Variants in ROBO1 observed in about 807,000 individuals in gnomAD.
The protein encoded by ROBO1 is roundabout homolog 1.
Under a neutral mutation model 195.9 loss-of-function variants are expected in ROBO1, and 149 were observed. That is an observed-to-expected ratio of 0.76 (90% CI 0.67 to 0.87). The LOEUF (loss-of-function observed/expected upper bound fraction) is 0.87, where lower values mean the gene tolerates loss of function less well. Among genes scored for constraint, ROBO1 ranks in the 40% least tolerant of loss-of-function variants. The pLI is 0.00. For missense variants in ROBO1, 1,933 were observed against 2,068.3 expected (o/e 0.93, Z 1.27); for synonymous variants, 816 against 733.2 (o/e 1.11, Z -1.82).
chr3:78,713,944 T>C (rs1406074954), intron 8 of ROBO1, among the ~76,000 whole-genome samples: 2 of 152,234 alleles, frequency 1.3e-5, no homozygotes, highest in Non-Finnish European at 2.9e-5. Context: ...TGAAGAGTAA[T>C]AGAATCTTCT....
At chr3:79,300,193 C>A in intron 2 of ROBO1, among the ~76,000 whole-genome samples, 1 of 152,176 alleles carries the variant, frequency 6.6e-6, no homozygotes, top group Non-Finnish European at 1.5e-5. Context: ...CGAGCCGGCT[C>A]CCTCAGCTAG....
intron 1 of ROBO1, among the ~76,000 whole-genome samples, chr3:79,750,049 G>GCTTT (rs1216047921): frequency 6.6e-6 from 1 of 152,226 alleles, no homozygotes; most frequent in Non-Finnish European, 1.5e-5. Flanking sequence ...GAGGGAGGCT[G>GCTTT]TACCCTGCAA....
chr3:79,204,262 A>C (rs911701690), intron 2 of ROBO1, among the ~76,000 whole-genome samples: 1 of 152,130 alleles, frequency 6.6e-6, no homozygotes, highest in Non-Finnish European at 1.5e-5. Context: ...ATATCTTATA[A>C]GTTATTGTTA....
chr3:79,320,568 G>A (rs1412542684), intron 2 of ROBO1, among the ~76,000 whole-genome samples: 2 of 152,056 alleles, frequency 1.3e-5, no homozygotes, highest in African/African-American at 4.8e-5. Context: ...GGGCTCAAAC[G>A]ACAGTCTCAC....
At chr3:78,947,597 C>T (rs989310736) in intron 3 of ROBO1, among the ~76,000 whole-genome samples, 4 of 152,092 alleles carry the variant, frequency 2.6e-5, no homozygotes, top group African/African-American at 4.8e-5. Flanking sequence ...GACACCCTAA[C>T]GTCACAATTA....
intron 1 of ROBO1, among the ~76,000 whole-genome samples, chr3:79,625,423 G>GAAAAAAAAAAAAAAAAAAAAAAAAAAAAA: frequency 3.6e-4 from 5 of 13,876 alleles, no homozygotes; most frequent in Non-Finnish European, 5.2e-4. Context: ...TGTTTTTTTT[G>GAAAAAAAAAAAAAAAAAAAAAAAAAAAAA]AAAAAAAAAA....
At chr3:78,878,583 CAAA>C (rs35108863) in intron 4 of ROBO1, among the ~76,000 whole-genome samples, 1 of 46,346 alleles carries the variant, frequency 2.2e-5, no homozygotes, top group Non-Finnish European at 4.2e-5. Flanking sequence ...AACCCCATCT[CAAA>C]AAAAAAAAAA....
intron 3 of ROBO1, among the ~76,000 whole-genome samples, chr3:79,012,279 A>G (rs1035729612): frequency 1.3e-5 from 2 of 152,216 alleles, no homozygotes; most frequent in Non-Finnish European, 2.9e-5. Context: ...CTTGACACAA[A>G]AAGACTATAT....
At position 79,273,501 on chromosome 3, in the gene ROBO1, A is replaced by C. The variant is rs2030756617; in HGVS notation, c.89-147962T>G. 2.0e-5 allele frequency among the ~76,000 whole-genome samples: 3 copies of C among 152,034 alleles called. No homozygotes were observed. In the South Asian group the frequency reaches 6.2e-4, roughly 31 times the overall value. On this transcript the variant is annotated intron_variant, in intron 2 of 30. Coordinates refer to ENST00000464233, the MANE Select transcript of ROBO1 (RefSeq NM_002941.4). ...AGCCTCATGGTAACCTCAAATCAAA[A>C]ATCCTATGACAGATACACAAAAAAA...
intron 4 of ROBO1, among the ~76,000 whole-genome samples, chr3:78,842,193 G>A (rs1356406937): frequency 1.8e-4 from 16 of 88,798 alleles, no homozygotes; most frequent in African/African-American, 7.7e-4. Flanking sequence ...ATATTTATAT[G>A]AGCCATATAT....
chr3:79,029,473 C>T lies in ROBO1; in HGVS notation c.173-90546G>A, dbSNP rs184777565. ...AACTTATACTGGAATGTAGAGAACA[C>T]TTGACAAAGTCTAATTAATAAACCA... On this transcript the variant is annotated intron_variant, in intron 3 of 30. Coordinates refer to ENST00000464233, the MANE Select transcript of ROBO1 (RefSeq NM_002941.4). 3.0e-3 allele frequency among the ~76,000 whole-genome samples: 463 copies of T among 152,206 alleles called. 9 individuals are homozygous for T. Among genetic ancestry groups the T allele is most frequent in the Admixed American group, 0.022 (334 of 15,268 alleles).
intron 2 of ROBO1, among the ~76,000 whole-genome samples, chr3:79,489,224 C>T (rs1254235872): frequency 6.6e-6 from 1 of 151,744 alleles, no homozygotes; most frequent in Non-Finnish European, 1.5e-5. Flanking sequence ...GAATTCGAAA[C>T]TATTTAGCTA....
intron 4 of ROBO1, among the ~76,000 whole-genome samples, chr3:78,854,138 T>C (rs535518081): frequency 2.2e-4 from 33 of 151,876 alleles, no homozygotes; most frequent in Admixed American, 1.4e-3. Flanking sequence ...TATCCACTCT[T>C]CCCTGAGTCC....
chr3:78,719,273 TTGTTAGTC>T (rs1205157703), intron 5 of ROBO1, among the ~76,000 whole-genome samples: 1 of 152,182 alleles, frequency 6.6e-6, no homozygotes, highest in Non-Finnish European at 1.5e-5. Flanking sequence ...TAAACTACTA[TTGTTAGTC>T]TGTTATCCAA....
At chr3:79,065,860 G>A (rs2078994990) in intron 3 of ROBO1, among the ~76,000 whole-genome samples, 1 of 151,836 alleles carries the variant, frequency 6.6e-6, no homozygotes, top group Non-Finnish European at 1.5e-5. Flanking sequence ...TGATGGTGAT[G>A]GTAAGTCTCT....
chr3:79,094,022 A>G (rs2079523225), intron 3 of ROBO1, among the ~76,000 whole-genome samples: 1 of 152,106 alleles, frequency 6.6e-6, no homozygotes, highest in Admixed American at 6.6e-5. Flanking sequence ...CTTCAAGGGC[A>G]CCATATGTGT....
intron 2 of ROBO1, among the ~76,000 whole-genome samples, chr3:79,514,722 T>C (rs1046429292): frequency 2.6e-5 from 4 of 152,202 alleles, no homozygotes; most frequent in Non-Finnish European, 5.9e-5. Context: ...TTTATGAAAC[T>C]GTAATGTTTT....
intron 2 of ROBO1, among the ~76,000 whole-genome samples, chr3:79,281,584 T>C (rs1046768844): frequency 4.6e-5 from 7 of 152,324 alleles, no homozygotes; most frequent in African/African-American, 1.7e-4. Flanking sequence ...TAGTTTACAT[T>C]TACTGTAAAA....
At chr3:78,724,140 C>A (rs1380101540) in intron 5 of ROBO1, among the ~76,000 whole-genome samples, 1 of 152,086 alleles carries the variant, frequency 6.6e-6, no homozygotes, top group Non-Finnish European at 1.5e-5. Context: ...GGCAAATGAA[C>A]TTCAGAAACA....
Sources: gnomAD v4.1 joint callset for allele counts (sites outside exome capture counted in the v4.1 genomes callset) on GRCh38, gnomAD v4.1.1 for gene constraint, MANE v1.5 for transcripts, NCBI Gene and HGNC (gene_info 2026-07-23, HGNC 2026-07-21) for gene names.